SNX29: variants seen among roughly 807,000 people sequenced by gnomAD.
The protein encoded by SNX29 is sorting nexin 29.
A neutral mutation model predicts 102.1 loss-of-function variants in SNX29; 78 were observed. The observed-to-expected ratio is 0.76, with a 90% confidence interval of 0.64 to 0.92. The LOEUF (loss-of-function observed/expected upper bound fraction) is 0.92, where lower values mean the gene tolerates loss of function less well. Among genes scored for constraint, SNX29 ranks in the 40% least tolerant of loss-of-function variants. SNX29 has a pLI of 0.00. For synonymous variants in SNX29, 580 were observed against 414.5 expected, an observed-to-expected ratio of 1.40 and a Z score of -4.85; for missense variants, 1,280 against 1,061.7, an observed-to-expected ratio of 1.21 and a Z score of -2.86.
intron 11 of SNX29, among the ~76,000 whole-genome samples, chr16:12,111,502 A>C (rs768363817): frequency 6.6e-6 from 1 of 152,086 alleles, no homozygotes; most frequent in Non-Finnish European, 1.5e-5. Flanking sequence ...GCAGGAGTCC[A>C]CTTAGCAGAC....
intron 14 of SNX29, among the ~76,000 whole-genome samples, chr16:12,267,511 C>T (rs1397046016): frequency 6.6e-6 from 1 of 152,182 alleles, no homozygotes; most frequent in African/African-American, 2.4e-5. Flanking sequence ...GTCCTTTAGG[C>T]AGTAGCCCCT....
chr16:12,558,343 G>GC (rs144363625), intron 20 of SNX29, among the ~76,000 whole-genome samples: 17,124 of 152,026 alleles, frequency 0.11, 1,166 homozygotes, highest in Non-Finnish European at 0.15. Context: ...AGACAAAGAG[G>GC]CCCCCTCAGC....
chr16:12,205,517 G>A (rs936694077), intron 14 of SNX29, among the ~76,000 whole-genome samples: 1 of 151,888 alleles, frequency 6.6e-6, no homozygotes, highest in Non-Finnish European at 1.5e-5. Context: ...CCCCACCCAC[G>A]CTGGCCTTTA....
rs569954345 is a variant in SNX29 at position 12,147,656 on chromosome 16, C to T, written c.1595+17898C>T. On this transcript the variant is annotated intron_variant, in intron 13 of 20. Coordinates refer to ENST00000566228, the MANE Select transcript of SNX29 (RefSeq NM_032167.5). ...GTAGCCGATCCAAGGAGCCGCAGCC[C>T]GTGGCTCAGTTTAACCCCCTTGACT... Among the ~76,000 whole-genome samples the T allele has an allele frequency of 7.8e-4, 119 of 152,284 alleles. 1 individual carries two copies. Among genetic ancestry groups the T allele is most frequent in the African/African-American group, 2.7e-3 (113 of 41,550 alleles).
chr16:12,033,000 G>A (rs796637509), intron 4 of SNX29, among the ~76,000 whole-genome samples: 3 of 151,694 alleles, frequency 2.0e-5, no homozygotes, highest in African/African-American at 4.8e-5. Flanking sequence ...GATTACAGGC[G>A]TGCGCCACCA....
chr16:12,152,194 C>T (rs1173572044), intron 13 of SNX29, among the ~76,000 whole-genome samples: 1 of 151,954 alleles, frequency 6.6e-6, no homozygotes, highest in African/African-American at 2.4e-5. Flanking sequence ...GCACTCCAGC[C>T]TGGGCAGCAA....
chr16:12,374,499 G>A (rs980934438), intron 16 of SNX29: 1 of 152,306 alleles, frequency 6.6e-6, no homozygotes, highest in Non-Finnish European at 1.5e-5. Context: ...ATCGTAGAGT[G>A]ATGTTAGATG....
intron 15 of SNX29, among the ~76,000 whole-genome samples, chr16:12,302,050 A>G (rs967394684): frequency 2.0e-5 from 3 of 152,206 alleles, no homozygotes; most frequent in Non-Finnish European, 2.9e-5. Flanking sequence ...CAATGAAGGA[A>G]ATGAACCAGT....
intron 18 of SNX29, among the ~76,000 whole-genome samples, chr16:12,453,814 A>G (rs1458423847): frequency 6.6e-6 from 1 of 152,174 alleles, no homozygotes; most frequent in Non-Finnish European, 1.5e-5. Flanking sequence ...GTCCTCAATA[A>G]GACTGTAGGC....
rs145504073 is a variant in SNX29 at position 12,559,538 on chromosome 16, C to T, written c.2319-8968C>T. On this transcript the variant is annotated intron_variant, in intron 20 of 20. Transcript: ENST00000566228. ...ACTTTGTATCTCAAAAGCATCCCCA[C>T]CCCCTACATCTGTGGAAAATTTTTC... 9.1e-4 allele frequency among the ~76,000 whole-genome samples: 139 copies of T among 152,024 alleles called. 1 individual carries two copies. The highest frequency in any genetic ancestry group is 3.2e-3 in the African/African-American group (131 of 41,436).
At position 12,572,146 on chromosome 16, in the gene SNX29, A is replaced by T; in HGVS notation, c.*3517A>T. The T allele has an allele frequency of 1.0e-6, 1 of 984,930 alleles. No individual in the cohort carries two copies. The highest frequency in any genetic ancestry group is 1.2e-6 in the Non-Finnish European group (1 of 806,592). The allele number at this position is 984,930 out of a possible 1,614,324, so 61.0% of individuals were successfully genotyped here. Reference sequence around the variant, plus strand: ...GGCCCTGCTTCATACTTTGGAGCTTATTAAGATCAATTTTGATAACCATGT... The same window carrying T: ...GGCCCTGCTTCATACTTTGGAGCTTTTTAAGATCAATTTTGATAACCATGT... On this transcript the variant is annotated 3_prime_UTR_variant, in exon 21 of 21. Coordinates refer to ENST00000566228, the MANE Select transcript of SNX29 (RefSeq NM_032167.5).
intron 20 of SNX29, among the ~76,000 whole-genome samples, chr16:12,541,237 C>T (rs1216432976): frequency 2.6e-5 from 4 of 152,112 alleles, no homozygotes; most frequent in African/African-American, 9.7e-5. Context: ...GACTATGGAA[C>T]CATGTATCAT....
At position 12,572,575 on chromosome 16, in the gene SNX29, A is replaced by T. The variant is rs893851737; in HGVS notation, c.*3946A>T. The T allele has an allele frequency of 9.4e-7, 1 of 1,064,062 alleles. No individual in the cohort carries two copies. Among genetic ancestry groups the T allele is most frequent in the South Asian group, 4.6e-5 (1 of 21,964 alleles). The allele number at this position is 1,064,062 out of a possible 1,614,324, so 65.9% of individuals were successfully genotyped here. A position where few individuals can be genotyped will look rare whatever the true frequency, so the allele number is the denominator to read the frequency against. ...TGGCTCCTCACAGGGAGGTCCAGCC[A>T]TGTTCTCTGGGCTCCCAGTGAGCCC... is the stretch of plus-strand genomic sequence containing the variant. On this transcript the variant is annotated 3_prime_UTR_variant, in exon 21 of 21. Transcript: ENST00000566228.
intron 19 of SNX29, among the ~76,000 whole-genome samples, chr16:12,482,964 A>G (rs1396027389): frequency 6.6e-6 from 1 of 152,116 alleles, no homozygotes; most frequent in Non-Finnish European, 1.5e-5. Context: ...GGATACCCAG[A>G]GCTCTCCCTG....
intron 14 of SNX29, among the ~76,000 whole-genome samples, chr16:12,203,709 A>C (rs1167593947): frequency 6.6e-6 from 1 of 152,200 alleles, no homozygotes; most frequent in Admixed American, 6.5e-5. Context: ...CTGTAAGACA[A>C]CCATCCTAGG....
chr16:12,397,555 C>T (rs983386972), intron 16 of SNX29, among the ~76,000 whole-genome samples: 4 of 152,180 alleles, frequency 2.6e-5, no homozygotes, highest in Non-Finnish European at 4.4e-5. Flanking sequence ...CTACCCCTCA[C>T]CCTTCTCTGT....
chr16:12,109,143 A>AAAG (rs2053397400), intron 11 of SNX29, among the ~76,000 whole-genome samples: 1 of 149,524 alleles, frequency 6.7e-6, no homozygotes, highest in African/African-American at 2.5e-5. Context: ...AAAAAAAAAA[A>AAAG]AAAAAAAAAA....
intron 14 of SNX29, among the ~76,000 whole-genome samples, chr16:12,221,760 G>T (rs1200583229): frequency 6.6e-6 from 1 of 152,190 alleles, no homozygotes; most frequent in Non-Finnish European, 1.5e-5. Context: ...AAATTGTGGC[G>T]CCCAGGGCCC....
At chr16:12,103,968 T>C (rs2053127114) in intron 11 of SNX29, among the ~76,000 whole-genome samples, 1 of 152,182 alleles carries the variant, frequency 6.6e-6, no homozygotes, top group African/African-American at 2.4e-5. Context: ...ATTAGAACCT[T>C]TCTAGAATTC....
Sources: gnomAD v4.1 joint callset for allele counts (sites outside exome capture counted in the v4.1 genomes callset) on GRCh38, gnomAD v4.1.1 for gene constraint, MANE v1.5 for transcripts, NCBI Gene and HGNC (gene_info 2026-07-23, HGNC 2026-07-21) for gene names.